KALRN: variants seen among roughly 807,000 people sequenced by gnomAD.
KALRN encodes the protein kalirin RhoGEF kinase.
KALRN carries 70 observed loss-of-function variants against 353.7 expected under a neutral mutation model. The observed-to-expected ratio is 0.20, with a 90% confidence interval of 0.16 to 0.24. KALRN has a LOEUF of 0.24. Ranked by LOEUF, KALRN falls within the 10% of genes least tolerant of loss-of-function variation. The probability of loss-of-function intolerance (pLI) is 1.00; values close to 1 mark genes in which losing one functional copy is unlikely to be tolerated. For missense variants in KALRN, 2,791 were observed against 3,756.7 expected (o/e 0.74, Z 6.72); for synonymous variants, 1,391 against 1,434.8 (o/e 0.97, Z 0.69).
At chr3:124,466,719 C>T (rs1282675570) in intron 25 of KALRN, among the ~76,000 whole-genome samples, 6 of 152,142 alleles carry the variant, frequency 3.9e-5, no homozygotes, top group East Asian at 1.9e-4. Flanking sequence ...CCAGAGGAGT[C>T]GTTACTTGCC....
intron 11 of KALRN, among the ~76,000 whole-genome samples, chr3:124,391,320 G>C (rs183244417): frequency 3.8e-4 from 58 of 152,242 alleles, no homozygotes; most frequent in Non-Finnish European, 3.4e-4. Context: ...TAGATAAGCA[G>C]AAAGTAAAGA....
At chr3:124,527,405 C>T (rs1353518921) in intron 33 of KALRN, among the ~76,000 whole-genome samples, 4 of 151,932 alleles carry the variant, frequency 2.6e-5, no homozygotes, top group Non-Finnish European at 4.4e-5. Context: ...GCCAGGAGAT[C>T]GAGACCATCC....
chr3:124,154,985 C>T (rs992968198), intron 1 of KALRN, among the ~76,000 whole-genome samples: 25 of 152,184 alleles, frequency 1.6e-4, no homozygotes, highest in Non-Finnish European at 3.1e-4. Flanking sequence ...CTTTGACAAA[C>T]TTGAGAAAAA....
In KALRN at chr3:124,347,208, C is replaced by T. The variant is rs1407882664; in HGVS notation, c.1713C>T (p.Ser571=). The change falls in exon 10 of 60, where the codon TCC becomes TCT. Residue 571 remains serine (S), a synonymous_variant. Transcript: ENST00000682506. ...FLSKHTGVGK[S]LHRARALQKR... is the part of the protein sequence containing the mutation. ...GCAAACACACTGGAGTTGGGAAGTC[C>T]CTACATCGAGCCCGGGCCCTGCAGA... 1 of 1,612,544 alleles carries T rather than the reference C, an allele frequency of 6.2e-7. No individual in the cohort carries two copies. Among genetic ancestry groups the T allele is most frequent in the African/African-American group, 1.3e-5 (1 of 74,430 alleles).
chr3:124,134,253 C>G (rs2065660979), intron 1 of KALRN, among the ~76,000 whole-genome samples: 1 of 152,142 alleles, frequency 6.6e-6, no homozygotes, highest in South Asian at 2.1e-4. Context: ...TGATCTTTGA[C>G]AAAGCAAACA....
rs576116609 is a variant in KALRN, at chr3:124,723,321, A to C, written c.*3851A>C. 1.3e-5 allele frequency: 2 copies of C among 152,338 alleles called. No homozygotes were observed. Among genetic ancestry groups the C allele is most frequent in the South Asian group, 4.1e-4 (2 of 4,830 alleles). The allele number at this position is 152,338 out of a possible 1,614,324, so 9.4% of individuals were successfully genotyped here. A position where few individuals can be genotyped will look rare whatever the true frequency, so the allele number is the denominator to read the frequency against. ...GTGGGACCAGGAATGTTTGAGTTTC[A>C]ATCTCAGCTATTCCTGATTCATCTT... On this transcript the variant is annotated 3_prime_UTR_variant, in exon 60 of 60. Transcript: ENST00000682506.
intron 1 of KALRN, among the ~76,000 whole-genome samples, chr3:124,200,449 G>A (rs1386618705): frequency 6.6e-6 from 1 of 152,212 alleles, no homozygotes; most frequent in African/African-American, 2.4e-5. Context: ...TGTCATGGCA[G>A]CAGGGGCAAA....
At chr3:124,159,787 ACTCT>A (rs1353568551) in intron 1 of KALRN, among the ~76,000 whole-genome samples, 1 of 151,512 alleles carries the variant, frequency 6.6e-6, no homozygotes, top group East Asian at 1.9e-4. Context: ...GAAATAATGA[ACTCT>A]CTCTGGACAA....
intron 1 of KALRN, among the ~76,000 whole-genome samples, chr3:124,067,997 C>T (rs1190320494): frequency 6.6e-6 from 1 of 152,224 alleles, no homozygotes; most frequent in African/African-American, 2.4e-5. Flanking sequence ...TGGCAGTGGC[C>T]TTAAGGAGGT....
chr3:124,393,403 T>A (rs1292235924), intron 11 of KALRN, among the ~76,000 whole-genome samples: 1 of 152,234 alleles, frequency 6.6e-6, no homozygotes, highest in Admixed American at 6.5e-5. Flanking sequence ...CATTAAGCTA[T>A]CATTATCAAT....
At position 124,657,752 on chromosome 3, in the gene KALRN, G is replaced by A. The variant is rs2084261787; in HGVS notation, c.5985G>A (p.Leu1995=). ...CTTTTAGTTTTTTCCTGGCGGAACT[G>A]GAAAAGTGTATCCAGGAGCAAGACA... ...DWHKDFFLAE[L]EKCIQEQDRL... Residue 1995 remains leucine, a synonymous_variant, in exon 41 of 60, where the codon CTG becomes CTA. Coordinates refer to ENST00000682506, the MANE Select transcript of KALRN (RefSeq NM_001388419.1). 1 of 1,613,588 alleles carries A rather than the reference G, an allele frequency of 6.2e-7. No individual in the cohort carries two copies. Among genetic ancestry groups the A allele is most frequent in the South Asian group, 1.1e-5 (1 of 91,068 alleles).
intron 51 of KALRN, among the ~76,000 whole-genome samples, chr3:124,692,677 C>A (rs576242104): frequency 8.5e-5 from 13 of 152,272 alleles, no homozygotes; most frequent in Non-Finnish European, 1.6e-4. Flanking sequence ...TATTGAGTAC[C>A]TGTTATTTGC....
chr3:124,247,209 T>C (rs74458449), intron 3 of KALRN, among the ~76,000 whole-genome samples: 1,745 of 152,300 alleles, frequency 0.011, 33 homozygotes, highest in African/African-American at 0.04. Context: ...CTGAGCTCAG[T>C]TGCCCAAGAA....
At chr3:124,203,269 G>T (rs2076117417) in intron 1 of KALRN, among the ~76,000 whole-genome samples, 1 of 152,174 alleles carries the variant, frequency 6.6e-6, no homozygotes, top group African/African-American at 2.4e-5. Flanking sequence ...TTATCCCTGA[G>T]CTGAGAGTCA....
At chr3:124,115,706 G>A (rs1465076650) in intron 1 of KALRN, among the ~76,000 whole-genome samples, 1 of 152,142 alleles carries the variant, frequency 6.6e-6, no homozygotes, top group African/African-American at 2.4e-5. Flanking sequence ...CCTGCAGGGA[G>A]GTCGAGCAAC....
chr3:124,476,296 TAGCAG>T (rs1561067669), intron 26 of KALRN, among the ~76,000 whole-genome samples: 3 of 150,096 alleles, frequency 2.0e-5, no homozygotes, highest in Non-Finnish European at 4.5e-5. Context: ...TTCCCACAGG[TAGCAG>T]AGCCCTGTGG....
chr3:124,516,650 A>C (rs903288893), intron 33 of KALRN, among the ~76,000 whole-genome samples: 2 of 151,720 alleles, frequency 1.3e-5, no homozygotes, highest in African/African-American at 2.4e-5. Context: ...AAAAAAAAAA[A>C]AAAAACCTGG....
intron 1 of KALRN, among the ~76,000 whole-genome samples, chr3:124,184,071 A>G (rs1043301084): frequency 2.0e-5 from 3 of 152,340 alleles, no homozygotes; most frequent in African/African-American, 7.2e-5. Flanking sequence ...AATGGGGTGG[A>G]GTTCTCAGAA....
chr3:124,130,001 T>G (rs1407913055), intron 1 of KALRN, among the ~76,000 whole-genome samples: 3 of 152,216 alleles, frequency 2.0e-5, no homozygotes. Context: ...GATAACTGAT[T>G]AACATTTGCC....
Sources: allele counts gnomAD v4.1 joint callset (sites outside exome capture counted in the v4.1 genomes callset), GRCh38; gene constraint gnomAD v4.1.1; transcripts MANE v1.5; gene names NCBI Gene and HGNC (gene_info 2026-07-23, HGNC 2026-07-21).